The following CCDC178 variants were observed in gnomAD, a reference collection of about 807,000 sequenced individuals.
CCDC178 encodes coiled-coil domain-containing protein 178.
Under a neutral mutation model 117.4 loss-of-function variants are expected in CCDC178, and 126 were observed. The ratio of observed to expected loss-of-function variants is 1.07; its 90% CI spans 0.93 to 1.24. The LOEUF is 1.24. CCDC178 is among the 50% of genes most tolerant of loss of function. The probability of loss-of-function intolerance (pLI) is 0.00; values close to 1 mark genes in which losing one functional copy is unlikely to be tolerated. For missense variants in CCDC178, 1,030 were observed against 986.9 expected, an observed-to-expected ratio of 1.04 and a Z score of -0.59; for synonymous variants, 283 against 313.4, an observed-to-expected ratio of 0.90 and a Z score of 1.02.
chr18:33,237,782 A>AAC (rs1555669012), intron 15 of CCDC178, among the ~76,000 whole-genome samples: 5 of 150,574 alleles, frequency 3.3e-5, no homozygotes, highest in East Asian at 1.9e-4. Context: ...GAAAAAAACA[A>AAC]AAAAAAAAAC....
rs184220319 is a variant in CCDC178 at position 32,975,157 on chromosome 18, T to A, written c.2389-476A>T. ...TTTTTTTCCTCATAAAGCTTACCAT[T>A]GCTTGGCAATGTGTGCTTTAGAGCA... On this transcript the variant is annotated intron_variant, in intron 21 of 22. Transcript: ENST00000383096. Among the ~76,000 whole-genome samples the A allele has an allele frequency of 3.3e-5, 5 of 152,318 alleles. No homozygotes were observed. In the East Asian group the frequency reaches 9.6e-4, roughly 29 times the overall value.
intron 21 of CCDC178, among the ~76,000 whole-genome samples, chr18:33,024,064 C>T (rs1567939132): frequency 6.6e-6 from 1 of 152,152 alleles, no homozygotes; most frequent in Non-Finnish European, 1.5e-5. Context: ...GTCATCTAAA[C>T]AAGCATAATA....
At chr18:33,317,010 T>G (rs1221331695) in intron 11 of CCDC178, among the ~76,000 whole-genome samples, 7 of 152,060 alleles carry the variant, frequency 4.6e-5, no homozygotes, top group Non-Finnish European at 1.0e-4. Flanking sequence ...ACAGAACAAT[T>G]GGCTCTCTGT....
chr18:32,937,422 A>G lies in CCDC178; in HGVS notation c.*589T>C, dbSNP rs1222507513. On this transcript the variant is annotated 3_prime_UTR_variant, in exon 23 of 23. Coordinates refer to ENST00000383096, the MANE Select transcript of CCDC178 (RefSeq NM_001105528.4). ...ATCCATGGACAAAATGAAGCATTTAAATTTATTCATTAATCATTCATCTCC... is the reference window on the plus strand; with the variant it reads ...ATCCATGGACAAAATGAAGCATTTAGATTTATTCATTAATCATTCATCTCC... The G allele has an allele frequency of 6.6e-6, 1 of 152,154 alleles. No homozygotes were observed. Among genetic ancestry groups the G allele is most frequent in the Non-Finnish European group, 1.5e-5 (1 of 68,054 alleles). The allele number at this position is 152,154 out of a possible 1,614,324, so 9.4% of individuals were successfully genotyped here. A position where few individuals can be genotyped will look rare whatever the true frequency, so the allele number is the denominator to read the frequency against.
At chr18:33,228,717 C>A (rs2059336788) in intron 15 of CCDC178, among the ~76,000 whole-genome samples, 1 of 152,174 alleles carries the variant, frequency 6.6e-6, no homozygotes, top group African/African-American at 2.4e-5. Flanking sequence ...TGACCAGTCA[C>A]CAGGAGAGAA....
intron 2 of CCDC178, among the ~76,000 whole-genome samples, chr18:33,423,660 C>G (rs1357031339): frequency 6.6e-6 from 1 of 152,010 alleles, no homozygotes; most frequent in African/African-American, 2.4e-5. Context: ...TTCAAGAGTT[C>G]TAGATAAAAT....
chr18:33,351,174 GTGTGTGTGTA>G (rs1032538301), intron 7 of CCDC178, among the ~76,000 whole-genome samples: 10 of 151,362 alleles, frequency 6.6e-5, no homozygotes, highest in South Asian at 2.1e-4. Context: ...GTGTGTGTGT[GTGTGTGTGTA>G]TAGTTTTTGT....
chr18:33,413,393 A>C lies in CCDC178; in HGVS notation c.-22-1283T>G, dbSNP rs114637622. 8.8e-3 allele frequency among the ~76,000 whole-genome samples: 1,334 copies of C among 152,256 alleles called. 18 individuals carry two copies. Among genetic ancestry groups the C allele is most frequent in the African/African-American group, 0.03 (1,262 of 41,552 alleles). Reference sequence around the variant, plus strand: ...GAGAACATAACAGTGTTTTATGGACATTAACATTTTTTAATTCAATGAAGA... The same window carrying C: ...GAGAACATAACAGTGTTTTATGGACCTTAACATTTTTTAATTCAATGAAGA... On this transcript the variant is annotated intron_variant, in intron 2 of 22. Transcript: ENST00000383096.
intron 21 of CCDC178, among the ~76,000 whole-genome samples, chr18:33,011,621 A>G (rs1426643187): frequency 6.6e-6 from 1 of 151,924 alleles, no homozygotes; most frequent in Non-Finnish European, 1.5e-5. Flanking sequence ...CTTGACTTTA[A>G]TAAGCGACTA....
At chr18:32,994,004 A>C (rs140162520) in intron 21 of CCDC178, among the ~76,000 whole-genome samples, 1 of 152,088 alleles carries the variant, frequency 6.6e-6, no homozygotes, top group African/African-American at 2.4e-5. Context: ...TATATAGAGA[A>C]GCCTTTCCTG....
At chr18:33,022,402 T>A (rs2056140511) in intron 21 of CCDC178, among the ~76,000 whole-genome samples, 1 of 152,180 alleles carries the variant, frequency 6.6e-6, no homozygotes, top group Non-Finnish European at 1.5e-5. Flanking sequence ...GAAGCAAAAA[T>A]TATAATGTCT....
At chr18:33,039,563 C>T (rs1311569017) in intron 21 of CCDC178, among the ~76,000 whole-genome samples, 2 of 151,910 alleles carry the variant, frequency 1.3e-5, no homozygotes, top group Non-Finnish European at 2.9e-5. Flanking sequence ...CAAGAGCATG[C>T]CCTCAGAGGA....
chr18:33,435,765 G>C (rs2064281132), intron 2 of CCDC178, among the ~76,000 whole-genome samples: 2 of 124,924 alleles, frequency 1.6e-5, no homozygotes, highest in African/African-American at 5.5e-5. Context: ...AGGATCAAAT[G>C]CTATTTAAGA....
intron 14 of CCDC178, among the ~76,000 whole-genome samples, chr18:33,258,354 C>T (rs754116834): frequency 1.4e-4 from 21 of 152,096 alleles, no homozygotes; most frequent in South Asian, 4.1e-4. Flanking sequence ...TTTTATCTGT[C>T]TCAAAGCTTC....
In CCDC178 at chr18:33,039,456, C is replaced by A. The variant is rs749654739; in HGVS notation, c.2388+53305G>T. Among the ~76,000 whole-genome samples, 61 of 152,124 alleles carry A rather than the reference C, an allele frequency of 4.0e-4. 1 individual carries two copies. Among genetic ancestry groups the A allele is most frequent in the Admixed American group, 3.3e-4 (5 of 15,252 alleles). ...AATATATTTCTCAAGACCAGCAAGG[C>A]CAGGTCTAGAGCTCACATTGGAGTG... On this transcript the variant is annotated intron_variant, in intron 21 of 22. Coordinates refer to ENST00000383096, the MANE Select transcript of CCDC178 (RefSeq NM_001105528.4).
intron 20 of CCDC178, among the ~76,000 whole-genome samples, chr18:33,204,767 T>C (rs1245384491): frequency 1.3e-5 from 2 of 152,090 alleles, no homozygotes; most frequent in East Asian, 3.8e-4. Context: ...TTAACAAATA[T>C]GAAAATCCAT....
intron 2 of CCDC178, among the ~76,000 whole-genome samples, chr18:33,423,619 A>G (rs1311772937): frequency 1.3e-5 from 2 of 152,130 alleles, no homozygotes; most frequent in African/African-American, 4.8e-5. Flanking sequence ...CATGTGGGGA[A>G]ACACATGTTG....
chr18:32,978,191 A>G (rs79186628), intron 21 of CCDC178, among the ~76,000 whole-genome samples: 1,782 of 145,114 alleles, frequency 0.012, 39 homozygotes, highest in African/African-American at 0.042. Flanking sequence ...AAAGAGTAAT[A>G]TCTCAAAAAA....
intron 21 of CCDC178, among the ~76,000 whole-genome samples, chr18:33,000,395 G>A (rs1298120265): frequency 6.6e-6 from 1 of 152,160 alleles, no homozygotes; most frequent in African/African-American, 2.4e-5. Context: ...AGAGGAGGTA[G>A]AGAAAGAGAT....
Sources: allele counts gnomAD v4.1 joint callset (sites outside exome capture counted in the v4.1 genomes callset), GRCh38; gene constraint gnomAD v4.1.1; transcripts MANE v1.5; gene names NCBI Gene and HGNC (gene_info 2026-07-23, HGNC 2026-07-21).